Variants in GRID2 observed in about 807,000 individuals in gnomAD.
GRID2 encodes the protein glutamate receptor ionotropic, delta-2.
A neutral mutation model predicts 114.8 loss-of-function variants in GRID2; 33 were observed. That is an observed-to-expected ratio of 0.29 (90% CI 0.22 to 0.38). GRID2 has a LOEUF of 0.38. Among genes scored for constraint, GRID2 ranks in the 10% least tolerant of loss-of-function variants. GRID2 has a pLI of 1.00. For missense variants in GRID2, 1,184 were observed against 1,257.7 expected, an observed-to-expected ratio of 0.94 and a Z score of 0.89; for synonymous variants, 505 against 449.9, an observed-to-expected ratio of 1.12 and a Z score of -1.55.
At chr4:92,674,056 A>G (rs1733206903) in intron 2 of GRID2, among the ~76,000 whole-genome samples, 1 of 152,162 alleles carries the variant, frequency 6.6e-6, no homozygotes, top group South Asian at 2.1e-4. Flanking sequence ...GTTTATTACA[A>G]GCTACTTTAT....
intron 2 of GRID2, among the ~76,000 whole-genome samples, chr4:92,828,608 C>T (rs1178511102): frequency 6.6e-6 from 1 of 152,060 alleles, no homozygotes; most frequent in Non-Finnish European, 1.5e-5. Context: ...AAATGCCCTA[C>T]ATTTCTGACT....
chr4:93,560,603 T>C (rs1012291151), intron 13 of GRID2, among the ~76,000 whole-genome samples: 1 of 152,162 alleles, frequency 6.6e-6, no homozygotes, highest in African/African-American at 2.4e-5. Flanking sequence ...TTTATTGTGA[T>C]TTGGTGGGAC....
chr4:92,657,066 A>G (rs1385459494), intron 2 of GRID2, among the ~76,000 whole-genome samples: 1 of 151,664 alleles, frequency 6.6e-6, no homozygotes, highest in East Asian at 1.9e-4. Context: ...GTATCTTAAT[A>G]CTTTTACTGT....
At chr4:93,322,369 C>G (rs1321641976) in intron 8 of GRID2, among the ~76,000 whole-genome samples, 1 of 152,118 alleles carries the variant, frequency 6.6e-6, no homozygotes, top group African/African-American at 2.4e-5. Context: ...TTACAAAGGA[C>G]ATGAACTCAT....
intron 2 of GRID2, among the ~76,000 whole-genome samples, chr4:93,029,951 A>G (rs1414313449): frequency 2.0e-5 from 3 of 152,226 alleles, no homozygotes; most frequent in Non-Finnish European, 2.9e-5. Context: ...GAGGGCTAAC[A>G]GCTGCTCTTA....
intron 2 of GRID2, among the ~76,000 whole-genome samples, chr4:93,012,521 T>C (rs1489338986): frequency 6.6e-6 from 1 of 152,054 alleles, no homozygotes; most frequent in Non-Finnish European, 1.5e-5. Flanking sequence ...TAGGTGGTGG[T>C]AGCTTATTGC....
chr4:93,607,746 A>T (rs1740403631), intron 13 of GRID2, among the ~76,000 whole-genome samples: 3 of 152,074 alleles, frequency 2.0e-5, no homozygotes, highest in African/African-American at 7.2e-5. Context: ...TATGCCCCTC[A>T]TTTTATTTTG....
intron 8 of GRID2, among the ~76,000 whole-genome samples, chr4:93,328,701 G>A (rs1432630507): frequency 6.7e-6 from 1 of 148,230 alleles, no homozygotes; most frequent in Admixed American, 6.8e-5. Flanking sequence ...ATGGATGGAT[G>A]GATGGTTGGA....
chr4:93,314,569 T>G (rs1282186267), intron 8 of GRID2, among the ~76,000 whole-genome samples: 1 of 152,116 alleles, frequency 6.6e-6, no homozygotes, highest in African/African-American at 2.4e-5. Flanking sequence ...CTCTGTTAGC[T>G]CTTTCGTTGT....
At chr4:93,547,998 G>A (rs556529694) in intron 13 of GRID2, among the ~76,000 whole-genome samples, 4 of 152,170 alleles carry the variant, frequency 2.6e-5, no homozygotes, top group Non-Finnish European at 2.9e-5. Context: ...CCAAGATGGC[G>A]AAACCTGGTC....
intron 14 of GRID2, among the ~76,000 whole-genome samples, chr4:93,663,076 G>A (rs899641015): frequency 6.6e-6 from 1 of 152,040 alleles, no homozygotes; most frequent in African/African-American, 2.4e-5. Context: ...CAAATGCCAG[G>A]CAAACTTTGA....
chr4:93,132,800 G>T (rs1043393570), intron 4 of GRID2, among the ~76,000 whole-genome samples: 2 of 152,092 alleles, frequency 1.3e-5, no homozygotes, highest in African/African-American at 4.8e-5. Context: ...AAAAGTGCTC[G>T]ATGTGCTTCG....
At chr4:92,543,862 A>G (rs1181700752) in intron 1 of GRID2, among the ~76,000 whole-genome samples, 1 of 152,182 alleles carries the variant, frequency 6.6e-6, no homozygotes, top group Non-Finnish European at 1.5e-5. Context: ...GTCAGTTATT[A>G]TCAGAGGGAA....
chr4:93,496,237 G>A (rs1294707532), intron 12 of GRID2, among the ~76,000 whole-genome samples: 3 of 151,434 alleles, frequency 2.0e-5, no homozygotes, highest in Admixed American at 1.3e-4. Flanking sequence ...TTAATATTTG[G>A]ACAAACTTTC....
rs748321989 is a variant in GRID2 at position 93,085,272 on chromosome 4, T to C, written c.522T>C (p.Ser174=). Residue 174 remains serine, a synonymous_variant, in exon 3 of 16, where the codon AGT becomes AGC. Transcript: ENST00000282020. ...AWQKFIIFYD[S]EYDIRGIQEF... ...AGAAATTCATTATATTCTATGATAGTGAATACGGTAAGTGTTTATAATTTG... is the reference window on the plus strand; with the variant it reads ...AGAAATTCATTATATTCTATGATAGCGAATACGGTAAGTGTTTATAATTTG... 1 of 1,609,286 alleles carries C rather than the reference T, an allele frequency of 6.2e-7. No individual in the cohort carries two copies. The highest frequency in any genetic ancestry group is 8.5e-7 in the Non-Finnish European group (1 of 1,175,494).
chr4:92,848,691 C>A (rs1342277015), intron 2 of GRID2, among the ~76,000 whole-genome samples: 3 of 151,822 alleles, frequency 2.0e-5, no homozygotes, highest in Non-Finnish European at 4.4e-5. Context: ...ATGAAGCGGG[C>A]TACGGGGATC....
At chr4:93,340,793 C>G (rs1250146930) in intron 8 of GRID2, among the ~76,000 whole-genome samples, 1 of 152,138 alleles carries the variant, frequency 6.6e-6, no homozygotes, top group Non-Finnish European at 1.5e-5. Flanking sequence ...AGAGGGCTTT[C>G]TCTTTGGAGG....
chr4:93,677,403 A>G (rs11939671), intron 14 of GRID2, among the ~76,000 whole-genome samples: 4,463 of 151,874 alleles, frequency 0.029, 104 homozygotes, highest in African/African-American at 0.059. Flanking sequence ...AAATGTCCCT[A>G]TCTGACAGCT....
At chr4:93,775,144 T>TAAAA (rs566720059), downstream of GRID2, among the ~76,000 whole-genome samples, 6 of 142,904 alleles carry the variant, frequency 4.2e-5, no homozygotes, top group African/African-American at 1.6e-4. Context: ...CATAATTTAC[T>TAAAA]AAAAAAAAAA....
Sources: allele counts gnomAD v4.1 joint callset (sites outside exome capture counted in the v4.1 genomes callset), GRCh38; gene constraint gnomAD v4.1.1; transcripts MANE v1.5; gene names NCBI Gene and HGNC (gene_info 2026-07-23, HGNC 2026-07-21).